The following PLG variants were observed in gnomAD, a reference collection of about 807,000 sequenced individuals.
The protein encoded by PLG is plasmin.
Under a neutral mutation model 104.4 loss-of-function variants are expected in PLG, and 41 were observed. The ratio of observed to expected loss-of-function variants is 0.39; its 90% CI spans 0.31 to 0.51. PLG has a LOEUF of 0.51. Ranked by LOEUF, PLG falls within the 20% of genes least tolerant of loss-of-function variation. The pLI is 0.76. For synonymous variants in PLG, 337 were observed against 357.1 expected (o/e 0.94, Z 0.63); for missense variants, 891 against 1,003.6 (o/e 0.89, Z 1.52).
intron 1 of PLG, among the ~76,000 whole-genome samples, chr6:160,704,332 G>C (rs1777478991): frequency 6.6e-6 from 1 of 152,228 alleles, no homozygotes; most frequent in Admixed American, 6.5e-5. Context: ...CAGCAGCGAT[G>C]CGCTATGAAG....
intron 7 of PLG, 45 bp downstream of exon 7, chr6:160,716,808 G>C (rs748894824): frequency 1.7e-6 from 2 of 1,155,098 alleles, no homozygotes; most frequent in Non-Finnish European, 2.6e-6. Context: ...GACCTGCCCT[G>C]TTCTTGAAAT....
At chr6:160,710,508 A>C (rs1777621290) in intron 3 of PLG, among the ~76,000 whole-genome samples, 1 of 151,844 alleles carries the variant, frequency 6.6e-6, no homozygotes, top group African/African-American at 2.4e-5. Context: ...GAGTTGGTTG[A>C]GTGGAAGCTG....
chr6:160,717,033 TG>T (rs1327272774), intron 7 of PLG, among the ~76,000 whole-genome samples: 1 of 152,164 alleles, frequency 6.6e-6, no homozygotes, highest in Non-Finnish European at 1.5e-5. Context: ...AGGCTTTAGG[TG>T]TTGTTCATCC....
At chr6:160,722,235 T>G (rs1171228295) in intron 9 of PLG, among the ~76,000 whole-genome samples, 173 bp from the exon 10 acceptor site, 4 of 152,238 alleles carry the variant, frequency 2.6e-5, no homozygotes, top group Non-Finnish European at 5.9e-5. Context: ...TACTAGGAAC[T>G]TATTAATGTT....
rs1778416827 is a variant in PLG, at chr6:160,752,280, C to A, written c.2271+20C>A. On this transcript the variant is annotated intron_variant, in intron 18 of 18. Coordinates refer to ENST00000308192, the MANE Select transcript of PLG (RefSeq NM_000301.5). This position sits in a 1 kb window ranked among gnomAD's most constrained non-coding sequence, Gnocchi z 4.7. The stretch of plus-strand genomic sequence containing the variant: ...TGCCAGGTAAGCAAAGATCAAGAGA[C>A]CAAAGTTAGTCTTGTGCTCTCTTGT... 1.2e-6 allele frequency: 2 copies of A among 1,608,740 alleles called. No individual in the cohort carries two copies. Among genetic ancestry groups the A allele is most frequent in the Non-Finnish European group, 8.5e-7 (1 of 1,175,082 alleles).
Position 160,707,783 on chromosome 6 carries a change from A to G in PLG, c.269A>G (p.Asp90Gly), listed in dbSNP as rs1156634127. ...RKSSIIIRMR[D>G]VVLFEKKVYL... ...TCCTCCATAATCATTAGGATGAGAG[A>G]TGTAGTTTTATTTGAAAAGAAAGGT... Residue 90 changes from aspartate to glycine, a missense_variant, in exon 3 of 19, where the codon GAT becomes GGT. Asp to Gly is a moderately conservative substitution (Grantham distance 94, BLOSUM62 -1). Transcript: ENST00000308192. 2 of 1,611,366 alleles carry G rather than the reference A, an allele frequency of 1.2e-6. No homozygotes were observed. The highest frequency in any genetic ancestry group is 1.7e-6 in the Non-Finnish European group (2 of 1,179,316).
chr6:160,742,106 G>A (rs1159834183), intron 17 of PLG, among the ~76,000 whole-genome samples: 1 of 152,224 alleles, frequency 6.6e-6, no homozygotes, highest in Admixed American at 6.5e-5. Context: ...ACTGTGAATA[G>A]TGCTGCAATG....
In PLG at chr6:160,734,127, AATATGGATTTG is replaced by A; in HGVS notation, c.1681+40_1681+50del. On this transcript the variant is annotated intron_variant, in intron 13 of 18. Coordinates refer to ENST00000308192, the MANE Select transcript of PLG (RefSeq NM_000301.5). This position sits in a 1 kb window ranked among gnomAD's most constrained non-coding sequence, Gnocchi z 4.4. ...TTTTTGGTAAGGAAACTGCTTACTT[AATATGGATTTG>A]CAACAAAAAAGGAAAAGGGCTTCTG... The A allele has an allele frequency of 8.5e-7, 1 of 1,173,934 alleles. No homozygotes were observed. 72.7% of individuals were successfully genotyped at this position (1,173,934 alleles called of 1,614,324 possible).
In PLG at chr6:160,718,658, T is replaced by C. The variant is rs764783807; in HGVS notation, c.951-35T>C. On this transcript the variant is annotated intron_variant, in intron 8 of 18. Coordinates refer to ENST00000308192, the MANE Select transcript of PLG (RefSeq NM_000301.5). ...CGTGGTTCCCTAGACTTTTTTCTTT[T>C]TGGAAAGCTAAACTCACAATCACTT... 3.1e-6 allele frequency: 5 copies of C among 1,611,742 alleles called. No individual in the cohort carries two copies. In the African/African-American group the frequency reaches 5.3e-5, roughly 17 times the overall value.
At chr6:160,709,052 A>T (rs1391531124) in intron 3 of PLG, among the ~76,000 whole-genome samples, 1 of 152,090 alleles carries the variant, frequency 6.6e-6, no homozygotes, top group Non-Finnish European at 1.5e-5. Flanking sequence ...TGTTAACCAG[A>T]AGGAACATGG....
rs1296925145 is a variant in PLG at position 160,724,350 on chromosome 6, T to G, written c.1256+1783T>G. Among the ~76,000 whole-genome samples the G allele has an allele frequency of 6.6e-6, 1 of 152,078 alleles. No individual in the cohort carries two copies. Among genetic ancestry groups the G allele is most frequent in the African/African-American group, 2.4e-5 (1 of 41,424 alleles). ...AAAAATGTACTGGCTACCCTTACCA[T>G]CAGGTTAGACATTACAGAAGAAAAA... On this transcript the variant is annotated intron_variant, in intron 10 of 18. Transcript: ENST00000308192. This position sits in a 1 kb window ranked among gnomAD's most constrained non-coding sequence, Gnocchi z 5.0.
chr6:160,713,228 C>A, intron 5 of PLG, 103 bp downstream of exon 5: 3 of 942,294 alleles, frequency 3.2e-6, no homozygotes, highest in Non-Finnish European at 5.2e-6. Context: ...AATTGAGTAA[C>A]GTATTCACCT....
chr6:160,738,485 G>C lies in PLG; in HGVS notation c.1803-53G>C, dbSNP rs1778126290. 4 of 1,064,890 alleles carry C rather than the reference G, an allele frequency of 3.8e-6. No individual in the cohort carries two copies. Among genetic ancestry groups the C allele is most frequent in the South Asian group, 3.7e-5 (3 of 80,028 alleles). The allele number at this position is 1,064,890 out of a possible 1,614,324, so 66.0% of individuals were successfully genotyped here. A position where few individuals can be genotyped will look rare whatever the true frequency, so the allele number is the denominator to read the frequency against. On this transcript the variant is annotated intron_variant, in intron 14 of 18. Transcript: ENST00000308192. This position sits in a 1 kb window ranked among gnomAD's most constrained non-coding sequence, Gnocchi z 6.8. ...TGTCTTTCTGGCTTTCTGTACAATG[G>C]AGCAGAACAAAGTATCAATTTAACT...
intron 7 of PLG, among the ~76,000 whole-genome samples, chr6:160,716,979 T>G (rs1180754969): frequency 6.6e-6 from 1 of 152,238 alleles, no homozygotes; most frequent in African/African-American, 2.4e-5. Flanking sequence ...ATGTTTTTCT[T>G]TCTTTGCAAC....
In PLG at chr6:160,740,237, A is replaced by G. The variant is rs1778166990; in HGVS notation, c.2018+1029A>G. ...TGGGATGCTCTGACACTCTAGAAGG[A>G]GAGAAGAGCCTTTCCAGCTCAGCCT... On this transcript the variant is annotated intron_variant, in intron 16 of 18. Coordinates refer to ENST00000308192, the MANE Select transcript of PLG (RefSeq NM_000301.5). This position sits in a 1 kb window ranked among gnomAD's most constrained non-coding sequence, Gnocchi z 5.2. Among the ~76,000 whole-genome samples the G allele has an allele frequency of 6.6e-6, 1 of 152,186 alleles. No individual in the cohort carries two copies.
At chr6:160,710,385 G>A (rs538692026) in intron 3 of PLG, among the ~76,000 whole-genome samples, 143 of 152,112 alleles carry the variant, frequency 9.4e-4, no homozygotes, top group African/African-American at 3.1e-3. Flanking sequence ...CATAACTCAC[G>A]TGGGGGGAAC....
chr6:160,748,965 A>C, intron 17 of PLG, among the ~76,000 whole-genome samples: 1 of 152,200 alleles, frequency 6.6e-6, no homozygotes, highest in South Asian at 2.1e-4. Flanking sequence ...TCCATGCTGG[A>C]GGTGGACGCA....
chr6:160,729,551 A>G (rs1327574568), intron 10 of PLG, among the ~76,000 whole-genome samples: 1 of 152,248 alleles, frequency 6.6e-6, no homozygotes, highest in Non-Finnish European at 1.5e-5. Context: ...TTAAGCAATT[A>G]AAATGAAGAA....
rs1323624812 is a variant in PLG at position 160,718,328 on chromosome 6, G to C, written c.822G>C (p.Gln274His). 3 of 1,613,952 alleles carry C rather than the reference G, an allele frequency of 1.9e-6. No individual in the cohort carries two copies. Among genetic ancestry groups the C allele is most frequent in the Non-Finnish European group, 2.5e-6 (3 of 1,179,892 alleles). ...CACCATCTTCTGGTCCCACCTACCAGTGTCTGAAGGGAACAGGTGAAAACT... is the reference window on the plus strand; with the variant it reads ...CACCATCTTCTGGTCCCACCTACCACTGTCTGAAGGGAACAGGTGAAAACT... The part of the protein sequence containing the change: ...TPPPSSGPTY[Q>H]CLKGTGENYR... Residue 274 changes from glutamine (Q) to histidine (H), a missense_variant, in exon 8 of 19, where the codon CAG (glutamine) becomes CAC (histidine). Around this residue, in one of 2 missense-constraint regions of PLG, gnomAD observed 854 missense variants for 932.1 expected, o/e 0.92. Coordinates refer to ENST00000308192, the MANE Select transcript of PLG (RefSeq NM_000301.5).
Sources: gnomAD v4.1 joint callset for allele counts (sites outside exome capture counted in the v4.1 genomes callset) on GRCh38, gnomAD v4.1.1 for gene constraint, gnomAD v4.1.1 regional missense constraint, Gnocchi (gnomAD v3.1) non-coding constraint, MANE v1.5 for transcripts, NCBI Gene and HGNC (gene_info 2026-07-23, HGNC 2026-07-21) for gene names.